TMCO4: variants seen among roughly 807,000 people sequenced by gnomAD.
The protein encoded by TMCO4 is transmembrane and coiled-coil domain-containing protein 4.
TMCO4 carries 58 observed loss-of-function variants against 64.7 expected under a neutral mutation model. The ratio of observed to expected loss-of-function variants is 0.90; its 90% CI spans 0.73 to 1.12. The LOEUF is 1.12. Among genes scored for constraint, TMCO4 ranks in the 50% most tolerant of loss-of-function variants. The pLI, the probability that TMCO4 is intolerant of heterozygous loss-of-function variation, is 0.00. For synonymous variants in TMCO4, 325 were observed against 346.1 expected (o/e 0.94, Z 0.68); for missense variants, 780 against 825.9 (o/e 0.94, Z 0.68).
chr1:19,722,126 CAGAT>C (rs1477241723), intron 13 of TMCO4, among the ~76,000 whole-genome samples: 1 of 152,162 alleles, frequency 6.6e-6, no homozygotes, highest in Admixed American at 6.6e-5. Context: ...GGCTAGTAGA[CAGAT>C]GGATGATGTC....
In TMCO4 at chr1:19,755,487, C is replaced by T. The variant is rs148079157; in HGVS notation, c.515+147G>A. 1.4e-3 allele frequency: 1,620 copies of T among 1,162,778 alleles called. 2 individuals carry two copies. The highest frequency in any genetic ancestry group is 5.8e-3 in the South Asian group (357 of 61,086). 72.0% of individuals were successfully genotyped at this position (1,162,778 alleles called of 1,614,324 possible). ...CAAGTAGCTTGCTAAGGCCACACAGCGAGTCAGGGCTACAGCTGGGACTCT... is the reference window on the plus strand; with the variant it reads ...CAAGTAGCTTGCTAAGGCCACACAGTGAGTCAGGGCTACAGCTGGGACTCT... On this transcript the variant is annotated intron_variant, in intron 7 of 15. Transcript: ENST00000294543.
chr1:19,773,133 GA>G (rs2043060812), intron 4 of TMCO4, among the ~76,000 whole-genome samples: 1 of 152,180 alleles, frequency 6.6e-6, no homozygotes, highest in Non-Finnish European at 1.5e-5. Context: ...CGGTTGCAGT[GA>G]ACTGACATCG....
At chr1:19,740,347 T>C (rs2095473637) in intron 11 of TMCO4, among the ~76,000 whole-genome samples, 1 of 152,178 alleles carries the variant, frequency 6.6e-6, no homozygotes, top group African/African-American at 2.4e-5. Context: ...GGCTAGCCTC[T>C]TGCGCTTCTA....
At chr1:19,796,410 G>C (rs74058661) in intron 2 of TMCO4, among the ~76,000 whole-genome samples, 7,245 of 152,044 alleles carry the variant, frequency 0.048, 581 homozygotes, top group African/African-American at 0.16. Flanking sequence ...GGACATAATG[G>C]CCGGTTGCTA....
intron 13 of TMCO4, among the ~76,000 whole-genome samples, chr1:19,705,969 T>C (rs1426816659): frequency 6.6e-6 from 1 of 152,102 alleles, no homozygotes; most frequent in Non-Finnish European, 1.5e-5. Context: ...GGCGCAATTG[T>C]GGCTCACTGC....
intron 13 of TMCO4, among the ~76,000 whole-genome samples, chr1:19,701,730 G>A (rs866060229): frequency 3.9e-5 from 6 of 152,132 alleles, no homozygotes; most frequent in Non-Finnish European, 7.4e-5. Flanking sequence ...GGTGGGAAGT[G>A]GGGGGTGAAG....
At position 19,682,580 on chromosome 1, in the gene TMCO4, T is replaced by C; in HGVS notation, c.*460A>G. The C allele has an allele frequency of 2.8e-6, 2 of 715,774 alleles. No homozygotes were observed. Among genetic ancestry groups the C allele is most frequent in the Middle Eastern group, 2.4e-4 (1 of 4,162 alleles). The allele number at this position is 715,774 out of a possible 1,614,324, so 44.3% of individuals were successfully genotyped here. A position where few individuals can be genotyped will look rare whatever the true frequency, so the allele number is the denominator to read the frequency against. ...CTGCCAGTTGATGGTGCCTGTCAGC[T>C]GGTGGGCAGCCCTGGAGTGTGGATG... On this transcript the variant is annotated 3_prime_UTR_variant, in exon 16 of 16. Transcript: ENST00000294543.
chr1:19,726,244 G>T (rs917856999), intron 13 of TMCO4, among the ~76,000 whole-genome samples: 6 of 152,302 alleles, frequency 3.9e-5, no homozygotes, highest in African/African-American at 1.4e-4. Flanking sequence ...ACAAAGATGG[G>T]CAAAGCACTG....
intron 7 of TMCO4, among the ~76,000 whole-genome samples, chr1:19,751,170 A>G (rs2042006382): frequency 6.6e-6 from 1 of 152,216 alleles, no homozygotes; most frequent in African/African-American, 2.4e-5. Context: ...GGTACTCAGG[A>G]AATCTTTCTT....
At position 19,720,037 on chromosome 1, in the gene TMCO4, G is replaced by A. The variant is rs533415061; in HGVS notation, c.1264+17335C>T. On this transcript the variant is annotated intron_variant, in intron 13 of 15. Coordinates refer to ENST00000294543, the MANE Select transcript of TMCO4 (RefSeq NM_181719.7). ...TTTTTTTTTTTTTTGTAGAGATGGC[G>A]TCTTGTTTTGTTGTCCAGGCTGGTC... 7.5e-5 allele frequency among the ~76,000 whole-genome samples: 11 copies of A among 145,704 alleles called. No homozygotes were observed. In the South Asian group the frequency reaches 8.8e-4, roughly 12 times the overall value.
intron 13 of TMCO4, among the ~76,000 whole-genome samples, chr1:19,729,986 C>A (rs1403228095): frequency 1.3e-5 from 2 of 152,086 alleles, no homozygotes; most frequent in African/African-American, 4.8e-5. Context: ...AAAAATAGTG[C>A]CTACTTCACG....
chr1:19,750,458 G>A (rs1001277599), intron 7 of TMCO4: 3 of 152,254 alleles, frequency 2.0e-5, no homozygotes, highest in South Asian at 2.1e-4. Context: ...TGATTTTCTC[G>A]CTTAGGAAAT....
chr1:19,794,718 A>C (rs923093979), intron 2 of TMCO4, among the ~76,000 whole-genome samples: 3 of 152,232 alleles, frequency 2.0e-5, no homozygotes, highest in Admixed American at 2.0e-4. Flanking sequence ...AGAATTATTC[A>C]CCATAGCCGA....
At chr1:19,797,895 AGAGAGAGGGAGG>A (rs1302088441) in intron 2 of TMCO4, among the ~76,000 whole-genome samples, 3 of 128,310 alleles carry the variant, frequency 2.3e-5, no homozygotes, top group African/African-American at 8.2e-5. Flanking sequence ...AGAAAGAGAG[AGAGAGAGGGAGG>A]GAGAGAGGGA....
In TMCO4 at chr1:19,700,882, C is replaced by A. The variant is rs764589836; in HGVS notation, c.1268G>T (p.Cys423Phe). The A allele has an allele frequency of 1.2e-6, 2 of 1,614,066 alleles. No individual in the cohort carries two copies. Among genetic ancestry groups the A allele is most frequent in the South Asian group, 2.2e-5 (2 of 91,068 alleles). The change falls in exon 14 of 16, where the codon TGC becomes TTC. Residue 423 changes from cysteine (C) to phenylalanine (F), a missense_variant. Coordinates refer to ENST00000294543, the MANE Select transcript of TMCO4 (RefSeq NM_181719.7). Reference sequence around the variant, plus strand: ...GATGACGTCCTCGATGATTCCTTGGCAATCTGGCAAAAGACCCCAGAAAAG... The same window carrying A: ...GATGACGTCCTCGATGATTCCTTGGAAATCTGGCAAAAGACCCCAGAAAAG... ...CLQEMAQEKD[C>F]QGIIEDVILL...
intron 13 of TMCO4, among the ~76,000 whole-genome samples, chr1:19,701,749 G>A (rs572220920): frequency 2.0e-5 from 3 of 152,202 alleles, no homozygotes; most frequent in South Asian, 2.1e-4. Flanking sequence ...AGAGGAGAGG[G>A]GGCGAGTAGG....
At chr1:19,721,534 A>G (rs943304489) in intron 13 of TMCO4, among the ~76,000 whole-genome samples, 82 of 152,278 alleles carry the variant, frequency 5.4e-4, no homozygotes, top group African/African-American at 1.9e-3. Flanking sequence ...CATGCCTGTA[A>G]TCCTAGCACT....
chr1:19,700,220 C>T (rs562888845), intron 14 of TMCO4, among the ~76,000 whole-genome samples: 66 of 152,244 alleles, frequency 4.3e-4, no homozygotes, highest in East Asian at 1.9e-3. Context: ...CCAGCCTTCA[C>T]GGGCCCCCTC....
At chr1:19,684,468 C>T (rs1028050192) in intron 15 of TMCO4, among the ~76,000 whole-genome samples, 1 of 152,134 alleles carries the variant, frequency 6.6e-6, no homozygotes, top group African/African-American at 2.4e-5. Context: ...CTCTGCTGTT[C>T]ACTAGTTGTG....
Sources: gnomAD v4.1 joint callset for allele counts (sites outside exome capture counted in the v4.1 genomes callset) on GRCh38, gnomAD v4.1.1 for gene constraint, MANE v1.5 for transcripts, NCBI Gene and HGNC (gene_info 2026-07-23, HGNC 2026-07-21) for gene names.